USP48: variants seen among roughly 807,000 people sequenced by gnomAD.
USP48 encodes ubiquitin carboxyl-terminal hydrolase 48.
In USP48, 43 loss-of-function variants were observed where a neutral mutation model predicts 150.7. That is an observed-to-expected ratio of 0.29 (90% confidence interval 0.22 to 0.37). USP48 has a LOEUF of 0.37. USP48 is among the 10% of genes least tolerant of loss of function. The pLI is 1.00. For missense variants in USP48, 813 were observed against 1,249.6 expected (o/e 0.65, Z 5.27); for synonymous variants, 396 against 425.9 (o/e 0.93, Z 0.86).
At chr1:21,696,907 G>GT (rs869184428) in intron 22 of USP48, among the ~76,000 whole-genome samples, 1 of 222 alleles carries the variant, frequency 4.5e-3, no homozygotes, top group South Asian at 0.5. Context: ...GGTGGGGGAT[G>GT]GGGGGTGAGT....
intron 9 of USP48, among the ~76,000 whole-genome samples, chr1:21,735,886 A>G (rs1307396727): frequency 6.1e-4 from 6 of 9,824 alleles, no homozygotes; most frequent in Non-Finnish European, 1.7e-3. Context: ...ACAAGAGCGG[A>G]AAAAAAAAAA....
At chr1:21,715,915 C>T (rs570470634) in intron 14 of USP48, among the ~76,000 whole-genome samples, 64 of 152,288 alleles carry the variant, frequency 4.2e-4, no homozygotes, top group Non-Finnish European at 6.9e-4. Context: ...TCAGTCAGGG[C>T]ATATGTTCTA....
At position 21,706,876 on chromosome 1, in the gene USP48, T is replaced by A. The variant is rs1248024039; in HGVS notation, c.1964-8A>T. 2 of 1,574,344 alleles carry A rather than the reference T, an allele frequency of 1.3e-6. No individual in the cohort carries two copies. Among genetic ancestry groups the A allele is most frequent in the Non-Finnish European group, 1.7e-6 (2 of 1,167,378 alleles). ...CAGATATGCATAACTCACCTGAGTTTAAAAAAATATATTTGGAAAAAAAAA... is the reference window on the plus strand; with the variant it reads ...CAGATATGCATAACTCACCTGAGTTAAAAAAAATATATTTGGAAAAAAAAA... On this transcript the variant is annotated splice_region_variant and splice_polypyrimidine_tract_variant and intron_variant, in intron 15 of 26. Transcript: ENST00000308271.
intron 9 of USP48, among the ~76,000 whole-genome samples, chr1:21,735,012 C>T (rs1030894430): frequency 1.3e-5 from 2 of 152,222 alleles, no homozygotes; most frequent in Admixed American, 1.3e-4. Context: ...CACAGAAGCA[C>T]TGCTCAAGGA....
In USP48 at chr1:21,756,671, G is replaced by A; in HGVS notation, c.287C>T (p.Ala96Val). 6.2e-7 allele frequency: 1 copy of A among 1,613,294 alleles called. No individual in the cohort carries two copies. Among genetic ancestry groups the A allele is most frequent in the Non-Finnish European group, 8.5e-7 (1 of 1,179,744 alleles). The change falls in exon 3 of 27, where the codon GCC (alanine) becomes GTC (valine). Residue 96 changes from alanine to valine, a missense_variant. Coordinates refer to ENST00000308271, the MANE Select transcript of USP48 (RefSeq NM_032236.8). ...NSFVGLTNLG[A>V]TCYVNTFLQV... Reference sequence around the variant, plus strand: ...AAGAAATGTGTTGACATAACAAGTGGCTCCAAGGTTAGTCAGGCCCACAAA... The same window carrying A: ...AAGAAATGTGTTGACATAACAAGTGACTCCAAGGTTAGTCAGGCCCACAAA...
In USP48 at chr1:21,746,204, C is replaced by T. The variant is rs1411071968; in HGVS notation, c.991+863G>A. ...GATAGAGTTTATAAAATAATTTCTACATTAAAAATTTCAGGTTGGGGGCAG... is the reference window on the plus strand; with the variant it reads ...GATAGAGTTTATAAAATAATTTCTATATTAAAAATTTCAGGTTGGGGGCAG... On this transcript the variant is annotated intron_variant, in intron 8 of 26. Transcript: ENST00000308271. Among the ~76,000 whole-genome samples, 3 of 152,058 alleles carry T rather than the reference C, an allele frequency of 2.0e-5. No homozygotes were observed. The South Asian group carries it at 6.2e-4, about 32-fold the overall frequency.
intron 15 of USP48, among the ~76,000 whole-genome samples, chr1:21,711,338 T>C (rs2097689595): frequency 6.6e-6 from 1 of 152,028 alleles, no homozygotes; most frequent in African/African-American, 2.4e-5. Context: ...GGAAAGTCTA[T>C]TTAAGAAGTA....
At chr1:21,732,549 AAC>A (rs1265069122) in intron 9 of USP48, 1 of 166,780 alleles carries the variant, frequency 6.0e-6, no homozygotes, top group Non-Finnish European at 1.3e-5. Flanking sequence ...TAAAATTTAT[AAC>A]ATACTTTCAT....
rs546414870 is a variant in USP48, at chr1:21,754,564, C to A, written c.413-1445G>T. ...TGATGAGAGATGGGCTCTGCAAATACTTCTCCTTTGCCAGTTATCAAGAAG... is the reference window on the plus strand; with the variant it reads ...TGATGAGAGATGGGCTCTGCAAATAATTCTCCTTTGCCAGTTATCAAGAAG... On this transcript the variant is annotated intron_variant, in intron 3 of 26. Coordinates refer to ENST00000308271, the MANE Select transcript of USP48 (RefSeq NM_032236.8). 7.2e-5 allele frequency among the ~76,000 whole-genome samples: 11 copies of A among 152,282 alleles called. No individual in the cohort carries two copies. In the South Asian group the frequency reaches 2.3e-3, roughly 32 times the overall value.
At chr1:21,726,165 A>C (rs1243276425) in intron 11 of USP48, among the ~76,000 whole-genome samples, 1 of 152,144 alleles carries the variant, frequency 6.6e-6, no homozygotes, top group Non-Finnish European at 1.5e-5. Flanking sequence ...AAACACCCTA[A>C]GAATCCTGGC....
At chr1:21,713,940 T>C (rs962100099) in intron 15 of USP48, among the ~76,000 whole-genome samples, 11 of 152,066 alleles carry the variant, frequency 7.2e-5, no homozygotes, top group Non-Finnish European at 1.6e-4. Context: ...CCCTTCCTAG[T>C]TGTGTGGCCT....
chr1:21,702,500 G>T (rs2152516211), intron 21 of USP48, among the ~76,000 whole-genome samples: 1 of 151,744 alleles, frequency 6.6e-6, no homozygotes, highest in South Asian at 2.1e-4. Flanking sequence ...GTCAATGGAA[G>T]AGGCTCTAAC....
Position 21,721,038 on chromosome 1 carries a change from T to G in USP48, c.1892A>C (p.Lys631Thr), listed in dbSNP as rs2097719391. 1 of 1,614,220 alleles carries G rather than the reference T, an allele frequency of 6.2e-7. No individual in the cohort carries two copies. Among genetic ancestry groups the G allele is most frequent in the Non-Finnish European group, 8.5e-7 (1 of 1,180,024 alleles). Residue 631 changes from lysine (K) to threonine (T), a missense_variant and splice_region_variant, in exon 14 of 27, where the codon AAA (lysine) becomes ACA (threonine). Physicochemically the swap from Lys to Thr is moderately conservative, Grantham distance 78. Transcript: ENST00000308271. ...NGKMNGSTLN[K>T]DESKEERKEE... is the part of the protein sequence containing the mutation. The stretch of plus-strand genomic sequence containing the variant: ...TACACATAGGTTTAAAGTGTTACCT[T>G]TATTTAAGGTGCTACCGTTCATCTT...
chr1:21,744,001 T>C (rs982267651), intron 8 of USP48, among the ~76,000 whole-genome samples: 3 of 152,146 alleles, frequency 2.0e-5, no homozygotes, highest in African/African-American at 4.8e-5. Flanking sequence ...AGAATCTTAA[T>C]AGTATTCCCT....
At chr1:21,750,722 C>A (rs551101278) in intron 6 of USP48, among the ~76,000 whole-genome samples, 11,495 of 151,578 alleles carry the variant, frequency 0.076, 480 homozygotes, top group Middle Eastern at 0.11. Context: ...AAAATACACA[C>A]ACAAAAAAAA....
At chr1:21,690,890 G>A (rs575412623) in intron 23 of USP48, among the ~76,000 whole-genome samples, 99 of 152,170 alleles carry the variant, frequency 6.5e-4, no homozygotes, top group African/African-American at 2.1e-3. Flanking sequence ...TTTAGCAAAT[G>A]GCCTGGGGTA....
chr1:21,753,219 A>T, intron 3 of USP48, 100 bp from the exon 4 acceptor site: 1 of 1,209,372 alleles, frequency 8.3e-7, no homozygotes, highest in Non-Finnish European at 1.1e-6. Flanking sequence ...ACATCTCTAC[A>T]TCCAAACTAG....
intron 9 of USP48, among the ~76,000 whole-genome samples, chr1:21,735,212 TC>T (rs2097766067): frequency 6.6e-6 from 1 of 152,222 alleles, no homozygotes; most frequent in African/African-American, 2.4e-5. Context: ...TAAAAACTGA[TC>T]ATTTGCCTTC....
Position 21,782,851 on chromosome 1 carries a change from A to T in USP48, c.107T>A (p.Leu36Gln). 1 of 1,560,662 alleles carries T rather than the reference A, an allele frequency of 6.4e-7. No individual in the cohort carries two copies. The highest frequency in any genetic ancestry group is 8.7e-7 in the Non-Finnish European group (1 of 1,154,114). Residue 36 changes from leucine to glutamine, a missense_variant, in exon 1 of 27, where the codon CTG (leucine) becomes CAG (glutamine). Physicochemically the swap from Leu to Gln is moderately radical, Grantham distance 113. Transcript: ENST00000308271. ...GCACACGCCGCGAATGCAGGGCTCC[A>T]GCCAGATGCGGTAAGCGGTCTCGAT... is the stretch of plus-strand genomic sequence containing the variant. ...EHIETAYRIW[L>Q]EPCIRGVCRR...
Sources: gnomAD v4.1 joint callset for allele counts (sites outside exome capture counted in the v4.1 genomes callset) on GRCh38, gnomAD v4.1.1 for gene constraint, MANE v1.5 for transcripts, NCBI Gene and HGNC (gene_info 2026-07-23, HGNC 2026-07-21) for gene names.